The following GALNT18 variants were observed in gnomAD, a reference collection of about 807,000 sequenced individuals.
The protein encoded by GALNT18 is polypeptide N-acetylgalactosaminyltransferase 18, also known as GalNAc-transferase 18.
GALNT18 carries 44 observed loss-of-function variants against 69.5 expected under a neutral mutation model. The ratio of observed to expected loss-of-function variants is 0.63; its 90% confidence interval spans 0.50 to 0.81. The LOEUF is 0.81. GALNT18 is among the 40% of genes least tolerant of loss of function. The probability of loss-of-function intolerance (pLI) is 0.00; values close to 1 mark genes in which losing one functional copy is unlikely to be tolerated. For synonymous variants in GALNT18, 364 were observed against 318.2 expected, an observed-to-expected ratio of 1.14 and a Z score of -1.53; for missense variants, 715 against 810.0, an observed-to-expected ratio of 0.88 and a Z score of 1.42.
chr11:11,300,036 A>C (rs1257822393), intron 9 of GALNT18, among the ~76,000 whole-genome samples: 1 of 152,262 alleles, frequency 6.6e-6, no homozygotes, highest in Non-Finnish European at 1.5e-5. Flanking sequence ...GGGAGAGTCA[A>C]GGAGGGCCTC....
intron 3 of GALNT18, among the ~76,000 whole-genome samples, chr11:11,410,153 C>G (rs943278661): frequency 7.2e-5 from 11 of 152,200 alleles, no homozygotes; most frequent in Non-Finnish European, 1.5e-4. Flanking sequence ...CTCTCCCTGT[C>G]AAGGACTCCC....
chr11:11,287,601 G>T (rs138818598), intron 10 of GALNT18, among the ~76,000 whole-genome samples: 11 of 152,230 alleles, frequency 7.2e-5, no homozygotes, highest in African/African-American at 2.6e-4. Context: ...TCAGTACGAA[G>T]GCTACTCTCA....
rs947062758 is a variant in GALNT18, at chr11:11,586,971, A to C, written c.235+34388T>G. On this transcript the variant is annotated intron_variant, in intron 1 of 10. Coordinates refer to ENST00000227756, the MANE Select transcript of GALNT18 (RefSeq NM_198516.3). This position sits in a 1 kb window ranked among gnomAD's most constrained non-coding sequence, Gnocchi z 4.1. ...TCAAAGCACTCCAGCCTGGGGAACAAGAGTGAAACCCCATCTCCAAATAAA... is the reference window on the plus strand; with the variant it reads ...TCAAAGCACTCCAGCCTGGGGAACACGAGTGAAACCCCATCTCCAAATAAA... 2.0e-5 allele frequency among the ~76,000 whole-genome samples: 3 copies of C among 152,030 alleles called. No individual in the cohort carries two copies. The highest frequency in any genetic ancestry group is 7.3e-5 in the African/African-American group (3 of 41,296).
chr11:11,441,845 C>G (rs567418893), intron 2 of GALNT18, among the ~76,000 whole-genome samples: 2 of 152,272 alleles, frequency 1.3e-5, no homozygotes, highest in East Asian at 3.9e-4. Context: ...AATGCAGTGC[C>G]CTGTTTAAAA....
chr11:11,361,306 C>G (rs550368459), intron 6 of GALNT18, among the ~76,000 whole-genome samples: 4 of 152,298 alleles, frequency 2.6e-5, no homozygotes, highest in Admixed American at 2.6e-4. Context: ...GCATCTTTAC[C>G]ACTTACCAGT....
At chr11:11,364,497 T>C (rs1056814543) in intron 6 of GALNT18, among the ~76,000 whole-genome samples, 1 of 152,142 alleles carries the variant, frequency 6.6e-6, no homozygotes, top group Non-Finnish European at 1.5e-5. Flanking sequence ...AAATCTAGAC[T>C]GTGAGAATCT....
At chr11:11,474,470 G>C (rs555665809) in intron 1 of GALNT18, among the ~76,000 whole-genome samples, 1 of 152,116 alleles carries the variant, frequency 6.6e-6, no homozygotes, top group Admixed American at 6.6e-5. Flanking sequence ...AACTTGGAAG[G>C]GTTTTCAGCA....
At chr11:11,397,539 C>T (rs1589968539) in intron 3 of GALNT18, among the ~76,000 whole-genome samples, 2 of 152,228 alleles carry the variant, frequency 1.3e-5, no homozygotes, top group South Asian at 4.1e-4. Flanking sequence ...TCTCGGCTCA[C>T]TGCAACTTCC....
At chr11:11,515,238 G>C (rs949498475) in intron 1 of GALNT18, among the ~76,000 whole-genome samples, 1 of 151,736 alleles carries the variant, frequency 6.6e-6, no homozygotes, top group Non-Finnish European at 1.5e-5. Flanking sequence ...CAAATGACCC[G>C]TACTCAGTAA....
chr11:11,612,593 C>T (rs896549249), intron 1 of GALNT18, among the ~76,000 whole-genome samples: 3 of 152,224 alleles, frequency 2.0e-5, no homozygotes, highest in Admixed American at 2.0e-4. Flanking sequence ...CCTCTGGGAT[C>T]TCAATGGCCT....
intron 1 of GALNT18, among the ~76,000 whole-genome samples, chr11:11,531,114 T>C (rs938406543): frequency 6.6e-6 from 1 of 152,130 alleles, no homozygotes. Flanking sequence ...GCTGCTGTAG[T>C]AGAAAGAGAA....
rs566903610 is a variant in GALNT18 at position 11,515,684 on chromosome 11, G to A, written c.236-66748C>T. Among the ~76,000 whole-genome samples the A allele has an allele frequency of 6.6e-5, 10 of 152,360 alleles. 1 individual carries two copies. In the South Asian group the frequency reaches 2.1e-3, roughly 32 times the overall value. On this transcript the variant is annotated intron_variant, in intron 1 of 10. Transcript: ENST00000227756. ...TCTCTGATGGCGGTGGCCAGGGAAG[G>A]CCTCTCTGACCAGATGAAACCTAAC...
Position 11,338,089 on chromosome 11 carries a change from T to C in GALNT18, c.1278+2730A>G, listed in dbSNP as rs918294998. The stretch of plus-strand genomic sequence containing the variant: ...TTAAAATGATTCTCTTGCCTCAGCC[T>C]CCTGAGTAGCTGGGATTACAGGCAT... On this transcript the variant is annotated intron_variant, in intron 7 of 10. Transcript: ENST00000227756. This position sits in a 1 kb window ranked among gnomAD's most constrained non-coding sequence, Gnocchi z 5.3. Among the ~76,000 whole-genome samples, 6 of 150,706 alleles carry C rather than the reference T, an allele frequency of 4.0e-5. No individual in the cohort carries two copies. The highest frequency in any genetic ancestry group is 7.4e-5 in the Non-Finnish European group (5 of 67,822).
chr11:11,482,171 G>T (rs1329746187), intron 1 of GALNT18, among the ~76,000 whole-genome samples: 1 of 152,222 alleles, frequency 6.6e-6, no homozygotes, highest in African/African-American at 2.4e-5. Context: ...GGCCTTTGGT[G>T]TGGAGTACTC....
intron 1 of GALNT18, among the ~76,000 whole-genome samples, chr11:11,486,997 G>C (rs986589758): frequency 1.3e-5 from 2 of 152,162 alleles, no homozygotes; most frequent in African/African-American, 2.4e-5. Context: ...TCCTCTCCAG[G>C]AATGACCACC....
intron 1 of GALNT18, among the ~76,000 whole-genome samples, chr11:11,576,739 G>C (rs1009365312): frequency 4.6e-5 from 7 of 152,228 alleles, no homozygotes; most frequent in Admixed American, 4.6e-4. Flanking sequence ...TGAGATCGGG[G>C]TCTGCGTGTG....
chr11:11,360,028 C>A (rs1044144000), intron 6 of GALNT18, among the ~76,000 whole-genome samples: 1 of 152,138 alleles, frequency 6.6e-6, no homozygotes, highest in African/African-American at 2.4e-5. Flanking sequence ...GGATGAAATT[C>A]TTGGCCTCAG....
intron 1 of GALNT18, among the ~76,000 whole-genome samples, chr11:11,556,460 A>C (rs1858335670): frequency 6.6e-6 from 1 of 152,240 alleles, no homozygotes; most frequent in South Asian, 2.1e-4. Context: ...GATAAAACTC[A>C]CAAAAAGTGA....
At chr11:11,576,038 T>C (rs1858916705) in intron 1 of GALNT18, among the ~76,000 whole-genome samples, 1 of 152,154 alleles carries the variant, frequency 6.6e-6, no homozygotes, top group Non-Finnish European at 1.5e-5. Flanking sequence ...CAAGGTCACA[T>C]AGAAAGAGAC....
Sources: allele counts gnomAD v4.1 joint callset (sites outside exome capture counted in the v4.1 genomes callset), GRCh38; gene constraint gnomAD v4.1.1; non-coding constraint Gnocchi (gnomAD v3.1); transcripts MANE v1.5; gene names NCBI Gene and HGNC (gene_info 2026-07-23, HGNC 2026-07-21).